LEPROTL1: variants seen among roughly 807,000 people sequenced by gnomAD.
The protein encoded by LEPROTL1 is leptin receptor overlapping transcript like 1, also known as leptin receptor overlapping transcript-like 1.
LEPROTL1 carries 6 observed loss-of-function variants against 15.4 expected under a neutral mutation model. The observed-to-expected ratio is 0.39, with a 90% CI of 0.21 to 0.77. The LOEUF is 0.77. Ranked by LOEUF, LEPROTL1 falls within the 30% of genes least tolerant of loss-of-function variation. The probability of loss-of-function intolerance (pLI) is 0.41; values close to 1 mark genes in which losing one functional copy is unlikely to be tolerated. For missense variants in LEPROTL1, 128 were observed against 158.1 expected (o/e 0.81, Z 1.02); for synonymous variants, 56 against 52.6 (o/e 1.06, Z -0.28).
intron 3 of LEPROTL1, among the ~76,000 whole-genome samples, chr8:30,130,532 A>T (rs771099298): frequency 6.6e-6 from 1 of 152,228 alleles, no homozygotes; most frequent in Non-Finnish European, 1.5e-5. Flanking sequence ...AAATCCTAAC[A>T]GGAAGAAACA....
At chr8:30,132,131 T>C in intron 3 of LEPROTL1, 1 of 1,551,712 alleles carries the variant, frequency 6.4e-7, no homozygotes, top group Non-Finnish European at 8.7e-7. Flanking sequence ...AACAGCCTCA[T>C]CGGCCAGGAT....
At chr8:30,102,072 A>G in intron 2 of LEPROTL1, 99 bp downstream of exon 2, 1 of 651,170 alleles carries the variant, frequency 1.5e-6, no homozygotes, top group East Asian at 2.9e-5. Flanking sequence ...AGTAATGCAG[A>G]GAAATGTTCA....
chr8:30,097,219 A>G (rs998244656), intron 1 of LEPROTL1, among the ~76,000 whole-genome samples: 2 of 152,224 alleles, frequency 1.3e-5, no homozygotes, highest in Non-Finnish European at 2.9e-5. Flanking sequence ...GATGAAGTGT[A>G]TATATAAATC....
At chr8:30,110,055 C>T (rs938670014), downstream of LEPROTL1, among the ~76,000 whole-genome samples, 3 of 152,144 alleles carry the variant, frequency 2.0e-5, no homozygotes, top group Non-Finnish European at 4.4e-5. Flanking sequence ...TATCTCACTT[C>T]ACCCTTTGTG....
At chr8:30,112,538 G>A (rs1222452529), downstream of LEPROTL1, among the ~76,000 whole-genome samples, 1 of 149,524 alleles carries the variant, frequency 6.7e-6, no homozygotes, top group Non-Finnish European at 1.5e-5. Flanking sequence ...GGGATTACAG[G>A]CATGAGCCAC....
chr8:30,102,424 G>A (rs1238741227), intron 2 of LEPROTL1, among the ~76,000 whole-genome samples: 1 of 152,268 alleles, frequency 6.6e-6, no homozygotes, highest in Admixed American at 6.5e-5. Flanking sequence ...ACCAAGGCGG[G>A]AGGATTGCCT....
chr8:30,105,766 A>G lies in LEPROTL1; in HGVS notation c.300A>G (p.Ala100=). 6.3e-7 allele frequency: 1 copy of G among 1,589,402 alleles called. No individual in the cohort carries two copies. The highest frequency in any genetic ancestry group is 8.6e-7 in the Non-Finnish European group (1 of 1,166,788). Residue 100 remains alanine (A), a synonymous_variant, in exon 4 of 4, where the codon GCA becomes GCG. Coordinates refer to ENST00000321250, the MANE Select transcript of LEPROTL1 (RefSeq NM_015344.3). ...CATAGATTGAGTGGGGAGCTTGTGCACTTGTTCTCACAGGAAACACAGTCA... is the reference window on the plus strand; with the variant it reads ...CATAGATTGAGTGGGGAGCTTGTGCGCTTGTTCTCACAGGAAACACAGTCA... ...RAHLIEWGAC[A]LVLTGNTVIF... is the part of the protein sequence containing the mutation.
intron 1 of LEPROTL1, 84 bp downstream of exon 1, chr8:30,095,612 C>T (rs1049456942): frequency 8.6e-7 from 1 of 1,160,526 alleles, no homozygotes; most frequent in Non-Finnish European, 1.1e-6. Flanking sequence ...CCGCACTTCC[C>T]CTCCGGGCTC....
chr8:30,105,386 T>A (rs1802546067), intron 3 of LEPROTL1, among the ~76,000 whole-genome samples: 1 of 152,098 alleles, frequency 6.6e-6, no homozygotes, highest in Admixed American at 6.6e-5. Context: ...AACAGAAACT[T>A]GTAGAATTTT....
intron 1 of LEPROTL1, 140 bp downstream of exon 1, chr8:30,095,668 C>T (rs919880081): frequency 1.3e-6 from 1 of 743,104 alleles, no homozygotes; most frequent in Non-Finnish European, 2.0e-6. Context: ...ACCCCCGCCC[C>T]GGCCCTGCGC....
chr8:30,119,526 CTG>C (rs1406287509), intron 3 of LEPROTL1, among the ~76,000 whole-genome samples: 1 of 152,092 alleles, frequency 6.6e-6, no homozygotes, highest in Non-Finnish European at 1.5e-5. Context: ...AATTTCTATT[CTG>C]TGTCTGTGTC....
At chr8:30,117,235 C>A in intron 3 of LEPROTL1, 1 of 577,750 alleles carries the variant, frequency 1.7e-6, no homozygotes, top group South Asian at 2.1e-5. Context: ...GGCCTGTAAT[C>A]CCAGTGCTTT....
chr8:30,110,289 G>A (rs1802634300), downstream of LEPROTL1, among the ~76,000 whole-genome samples: 1 of 152,154 alleles, frequency 6.6e-6, no homozygotes, highest in Non-Finnish European at 1.5e-5. Context: ...CTGTTTCTAT[G>A]AGTGAGAGAT....
intron 3 of LEPROTL1, chr8:30,117,647 C>G (rs1029493174): frequency 3.3e-5 from 49 of 1,488,714 alleles, no homozygotes; most frequent in Non-Finnish European, 4.0e-5. Context: ...TGTAACCATG[C>G]TTCATCATCA....
chr8:30,113,107 CAAAAAAA>C (rs578198019), downstream of LEPROTL1, among the ~76,000 whole-genome samples: 2 of 95,452 alleles, frequency 2.1e-5, no homozygotes, highest in African/African-American at 7.3e-5. Flanking sequence ...CCCGTCTCTC[CAAAAAAA>C]AAAAAAAAAA....
At chr8:30,134,799 C>T (rs929444242) in intron 4 of LEPROTL1, among the ~76,000 whole-genome samples, 1 of 152,166 alleles carries the variant, frequency 6.6e-6, no homozygotes, top group Non-Finnish European at 1.5e-5. Context: ...CTGCCCGCCT[C>T]GGCCTCCCAA....
chr8:30,111,774 G>A (rs921763484), downstream of LEPROTL1, among the ~76,000 whole-genome samples: 5 of 152,186 alleles, frequency 3.3e-5, no homozygotes, highest in Admixed American at 6.5e-5. Context: ...GTGGTTTTCT[G>A]TTGCTCTGGT....
downstream of LEPROTL1, among the ~76,000 whole-genome samples, chr8:30,110,318 A>C (rs1021788205): frequency 6.6e-6 from 1 of 152,136 alleles, no homozygotes; most frequent in African/African-American, 2.4e-5. Context: ...TAAAACACTT[A>C]TCTTTCAACT....
Position 30,105,869 on chromosome 8 carries a change from A to G in LEPROTL1, c.*7A>G. 6.6e-7 allele frequency: 1 copy of G among 1,523,562 alleles called. No individual in the cohort carries two copies. The highest frequency in any genetic ancestry group is 2.5e-5 in the East Asian group (1 of 40,784). 94.4% of individuals were successfully genotyped at this position (1,523,562 alleles called of 1,614,324 possible). ...CAGCTGGCAGCAGTGGTGAAAAGAA[A>G]TTACTGAACTATTGTCAAATGGACT... On this transcript the variant is annotated 3_prime_UTR_variant, in exon 4 of 4. Transcript: ENST00000321250.
Sources: gnomAD v4.1 joint callset for allele counts (sites outside exome capture counted in the v4.1 genomes callset) on GRCh38, gnomAD v4.1.1 for gene constraint, MANE v1.5 for transcripts, NCBI Gene and HGNC (gene_info 2026-07-23, HGNC 2026-07-21) for gene names.